JARID2: variants seen among roughly 807,000 people sequenced by gnomAD.
JARID2 encodes protein Jumonji.
A neutral mutation model predicts 125.6 loss-of-function variants in JARID2; 21 were observed. The ratio of observed to expected loss-of-function variants is 0.17; its 90% CI spans 0.12 to 0.24. The LOEUF (loss-of-function observed/expected upper bound fraction) is 0.24, where lower values mean the gene tolerates loss of function less well. Ranked by LOEUF, JARID2 falls within the 10% of genes least tolerant of loss-of-function variation. The pLI is 1.00. For synonymous variants in JARID2, 736 were observed against 661.6 expected, an observed-to-expected ratio of 1.11 and a Z score of -1.73; for missense variants, 1,303 against 1,639.6, an observed-to-expected ratio of 0.79 and a Z score of 3.55.
At chr6:15,393,060 G>A (rs1040526391) in intron 2 of JARID2, among the ~76,000 whole-genome samples, 1 of 152,114 alleles carries the variant, frequency 6.6e-6, no homozygotes, top group Non-Finnish European at 1.5e-5. Context: ...TATCAGTGCA[G>A]CCATAGAGGC....
At chr6:15,497,220 G>A (rs1259144390) in intron 7 of JARID2, 50 bp downstream of exon 7, 3 of 1,342,378 alleles carry the variant, frequency 2.2e-6, no homozygotes, top group South Asian at 2.8e-5. Flanking sequence ...CCTGCCCCCA[G>A]ATCCCTGCAG....
intron 1 of JARID2, among the ~76,000 whole-genome samples, chr6:15,339,291 C>T (rs1362346700): frequency 1.3e-5 from 2 of 152,122 alleles, no homozygotes; most frequent in Non-Finnish European, 2.9e-5. Flanking sequence ...GCACACCTCC[C>T]TATCTCCTGA....
rs149841221 is a variant in JARID2 at position 15,368,625 on chromosome 6, G to C, written c.46-5492G>C. On this transcript the variant is annotated intron_variant, in intron 1 of 17. Transcript: ENST00000341776. Reference sequence around the variant, plus strand: ...AGAAGGGTTTGAGAGACCGTGTCACGTAAGGAATGATTAAAGGAACTAGCA... The same window carrying C: ...AGAAGGGTTTGAGAGACCGTGTCACCTAAGGAATGATTAAAGGAACTAGCA... 2.2e-5 allele frequency: 10 copies of C among 448,948 alleles called. No individual in the cohort carries two copies. In the East Asian group the frequency reaches 3.3e-4, roughly 15 times the overall value. 27.8% of individuals were successfully genotyped at this position (448,948 alleles called of 1,614,324 possible).
At chr6:15,374,340 G>A in intron 2 of JARID2, 88 bp downstream of exon 2, 1 of 1,413,436 alleles carries the variant, frequency 7.1e-7, no homozygotes, top group Non-Finnish European at 9.8e-7. Context: ...CTGGCAGCTT[G>A]TGCTTCCTGG....
intron 1 of JARID2, among the ~76,000 whole-genome samples, chr6:15,320,195 T>G (rs981086915): frequency 6.6e-6 from 1 of 152,224 alleles, no homozygotes; most frequent in Admixed American, 6.5e-5. Flanking sequence ...TGTGGATGCT[T>G]GTGAAGAGAA....
chr6:15,478,616 T>C (rs1357146742), intron 5 of JARID2, among the ~76,000 whole-genome samples: 1 of 152,150 alleles, frequency 6.6e-6, no homozygotes, highest in Non-Finnish European at 1.5e-5. Flanking sequence ...AGAACTCTTA[T>C]CACTGACTTC....
At chr6:15,328,707 G>A (rs887152846) in intron 1 of JARID2, among the ~76,000 whole-genome samples, 1 of 152,164 alleles carries the variant, frequency 6.6e-6, no homozygotes, top group South Asian at 2.1e-4. Context: ...GTGTGTCTGT[G>A]GCCTCAAAGT....
At chr6:15,419,956 C>G (rs1387873887) in intron 3 of JARID2, among the ~76,000 whole-genome samples, 4 of 152,196 alleles carry the variant, frequency 2.6e-5, no homozygotes, top group Non-Finnish European at 4.4e-5. Context: ...GCATTCGTCT[C>G]CCCTTTGGGG....
intron 3 of JARID2, among the ~76,000 whole-genome samples, chr6:15,428,942 A>ACCCCC (rs1421305196): frequency 1.2e-3 from 140 of 114,984 alleles, no homozygotes; most frequent in African/African-American, 4.1e-3. Context: ...CCCCCCCCCA[A>ACCCCC]AAAAAAAAAA....
At chr6:15,388,201 G>C (rs553390270) in intron 2 of JARID2, among the ~76,000 whole-genome samples, 85 of 152,194 alleles carry the variant, frequency 5.6e-4, no homozygotes, top group Non-Finnish European at 8.7e-4. Flanking sequence ...GCTTGTGAAT[G>C]TCTTAGATCT....
At chr6:15,506,987 G>C (rs1466691549) in intron 9 of JARID2, 149 bp from the exon 10 acceptor site, 2 of 618,484 alleles carry the variant, frequency 3.2e-6, no homozygotes. Context: ...TTCTGCATTA[G>C]CGTCCTGCTG....
Position 15,468,736 on chromosome 6 carries a change from C to A in JARID2, c.670+18C>A. 1 of 1,594,778 alleles carries A rather than the reference C, an allele frequency of 6.3e-7. No individual in the cohort carries two copies. ...CGGGCATGGTAGGTCCACCGTTGAA[C>A]TTGGATAAGAAAAAATCTAAAGCTT... On this transcript the variant is annotated intron_variant, in intron 5 of 17. Transcript: ENST00000341776.
At chr6:15,396,427 C>T (rs938539678) in intron 2 of JARID2, among the ~76,000 whole-genome samples, 1 of 152,138 alleles carries the variant, frequency 6.6e-6, no homozygotes, top group Non-Finnish European at 1.5e-5. Flanking sequence ...GTACTATGAT[C>T]CACTAAGGTT....
intron 1 of JARID2, among the ~76,000 whole-genome samples, chr6:15,355,776 T>G (rs1763578791): frequency 6.6e-6 from 1 of 152,180 alleles, no homozygotes. Context: ...CACGCCTGGC[T>G]AATTTCTGTA....
Position 15,496,777 on chromosome 6 carries a change from G to A in JARID2, c.1552G>A (p.Asp518Asn). Residue 518 changes from aspartate to asparagine, a missense_variant, in exon 7 of 18, where the codon GAC (aspartate) becomes AAC (asparagine). Around this residue, in one of 11 missense-constraint regions of JARID2, gnomAD observed 651 missense variants for 581.6 expected, o/e 1.12. Transcript: ENST00000341776. The part of the protein sequence containing the change: ...TPGRQAHGKA[D>N]SASCENRSTS... ...AGGCAGACAAGCACATGGCAAGGCG[G>A]ACAGCGCCTCCTGTGAAAATCGTTC... 1 of 1,612,822 alleles carries A rather than the reference G, an allele frequency of 6.2e-7. No homozygotes were observed.
rs368495705 is a variant in JARID2 at position 15,483,765 on chromosome 6, C to T, written c.671-3542C>T. The stretch of plus-strand genomic sequence containing the variant: ...ATTTTTTATTTCCCTTGTGTACATT[C>T]CTGGAAATGGAATTGGTGGGTCATA... On this transcript the variant is annotated intron_variant, in intron 5 of 17. Transcript: ENST00000341776. 9.9e-5 allele frequency among the ~76,000 whole-genome samples: 15 copies of T among 152,218 alleles called. No homozygotes were observed. In the East Asian group the frequency reaches 2.1e-3, roughly 22 times the overall value.
chr6:15,501,079 C>T lies in JARID2; in HGVS notation c.2118C>T (p.Leu706=), dbSNP rs149364410. 907 of 1,613,910 alleles carry T rather than the reference C, an allele frequency of 5.6e-4. No individual in the cohort carries two copies. The highest frequency in any genetic ancestry group is 7.5e-4 in the Non-Finnish European group (881 of 1,179,890). Residue 706 remains leucine, a synonymous_variant, in exon 8 of 18, where the codon CTC becomes CTT. Transcript: ENST00000341776. The part of the protein sequence containing the change: ...KLQEAYCQYL[L]SYDSLSPEEH... Reference sequence around the variant, plus strand: ...AGGAGGCCTACTGCCAGTACCTACTCTCCTACGACTCCCTGTCCCCAGAGG... The same window carrying T: ...AGGAGGCCTACTGCCAGTACCTACTTTCCTACGACTCCCTGTCCCCAGAGG...
At chr6:15,372,960 G>T (rs746534366) in intron 1 of JARID2, among the ~76,000 whole-genome samples, 1 of 151,364 alleles carries the variant, frequency 6.6e-6, no homozygotes, top group Non-Finnish European at 1.5e-5. Flanking sequence ...GCCCATCTTG[G>T]CCCCCAAAAG....
chr6:15,323,553 C>CTAGG lies in JARID2; in HGVS notation c.46-50563_46-50560dup, dbSNP rs150094906. On this transcript the variant is annotated intron_variant, in intron 1 of 17. Coordinates refer to ENST00000341776, the MANE Select transcript of JARID2 (RefSeq NM_004973.4). Reference sequence around the variant, plus strand: ...TCAAATTCAGTCACATACTGAGGTACTAGGGGTTTGGACTTAAGCATAAGA... The same window carrying CTAGG: ...TCAAATTCAGTCACATACTGAGGTACTAGGTAGGGGTTTGGACTTAAGCATAAGA... Among the ~76,000 whole-genome samples the CTAGG allele has an allele frequency of 8.3e-3, 1,261 of 152,282 alleles. 27 individuals carry two copies. The highest frequency in any genetic ancestry group is 0.028 in the African/African-American group (1,162 of 41,556).
Sources: allele counts gnomAD v4.1 joint callset (sites outside exome capture counted in the v4.1 genomes callset), GRCh38; gene constraint gnomAD v4.1.1; regional missense constraint gnomAD v4.1.1; transcripts MANE v1.5; gene names NCBI Gene and HGNC (gene_info 2026-07-23, HGNC 2026-07-21).